Variants in REPS2 observed in about 807,000 individuals in gnomAD.
REPS2 encodes ralBP1-associated Eps domain-containing protein 2.
A neutral mutation model predicts 53.6 loss-of-function variants in REPS2; 23 were observed. The ratio of observed to expected loss-of-function variants is 0.43; its 90% CI spans 0.31 to 0.61. The LOEUF (loss-of-function observed/expected upper bound fraction) is 0.61. REPS2 is among the 20% of genes least tolerant of loss of function. REPS2 has a pLI of 0.11. For synonymous variants in REPS2, 238 were observed against 218.6 expected (o/e 1.09, Z -0.78); for missense variants, 446 against 534.9 (o/e 0.83, Z 1.64).
chrX:17,063,923 TACACACACAC>T (rs3842475), intron 9 of REPS2, among the ~76,000 whole-genome samples: 3 of 100,310 alleles, frequency 3.0e-5, no homozygotes, highest in Admixed American at 1.1e-4. Context: ...GTTTTACTGT[TACACACACAC>T]ACACACACAC....
At position 17,074,169 on chromosome X, in the gene REPS2, G is replaced by T. The variant is rs181955231; in HGVS notation, c.1379+10G>T. On this transcript the variant is annotated intron_variant, in intron 12 of 17. Transcript: ENST00000357277. ...CAAGACCAAGATCCAGGTAGTGTTC[G>T]TTTAATTTCTGCTTTAATGCCCTTT... The T allele has an allele frequency of 1.8e-5, 22 of 1,203,626 alleles. No homozygotes were observed. In the Admixed American group the frequency reaches 4.8e-4, roughly 26 times the overall value.
At chrX:17,084,352 C>T (rs1249532519) in intron 13 of REPS2, among the ~76,000 whole-genome samples, 1 of 112,111 alleles carries the variant, frequency 8.9e-6, no homozygotes, top group Non-Finnish European at 1.9e-5. Flanking sequence ...AATAACTCTG[C>T]TATAGACATT....
intron 1 of REPS2, among the ~76,000 whole-genome samples, chrX:16,978,958 G>T (rs1047755606): frequency 9.0e-6 from 1 of 111,590 alleles, no homozygotes; most frequent in African/African-American, 3.3e-5. Context: ...AAACCAAGTG[G>T]CTCCTAGCTT....
the REPS2 span, among the ~76,000 whole-genome samples, chrX:17,169,659 G>A: frequency 8.9e-6 from 1 of 112,070 alleles, no homozygotes; most frequent in Non-Finnish European, 1.9e-5. Context: ...TCCAGCCTGG[G>A]TGATAGAGTG....
the REPS2 span, among the ~76,000 whole-genome samples, chrX:17,167,525 G>A: frequency 3.7e-5 from 4 of 109,163 alleles, no homozygotes; most frequent in Non-Finnish European, 7.6e-5. Flanking sequence ...CTTACTTGTT[G>A]CTTTGGGTGT....
intron 13 of REPS2, among the ~76,000 whole-genome samples, chrX:17,077,835 C>T (rs1477904299): frequency 8.9e-6 from 1 of 112,561 alleles, no homozygotes; most frequent in Non-Finnish European, 1.9e-5. Flanking sequence ...CTGCATTTTA[C>T]ACTTATGGAG....
chrX:17,186,104 TAGTC>T, the REPS2 span, among the ~76,000 whole-genome samples: 6 of 112,618 alleles, frequency 5.3e-5, no homozygotes, highest in African/African-American at 1.3e-4. Flanking sequence ...GTCGTTAAAT[TAGTC>T]AGCCCATCAA....
At chrX:16,965,121 G>A (rs1336474148) in intron 1 of REPS2, among the ~76,000 whole-genome samples, 1 of 90,656 alleles carries the variant, frequency 1.1e-5, no homozygotes, top group African/African-American at 4.2e-5. Flanking sequence ...CGGACGGGGC[G>A]GCTGGCCGGG....
the REPS2 span, among the ~76,000 whole-genome samples, chrX:17,165,940 A>C: frequency 8.9e-6 from 1 of 111,964 alleles, no homozygotes; most frequent in African/African-American, 3.2e-5. Context: ...GCATTTGCTG[A>C]AATAAAGAAA....
At chrX:17,140,239 T>C (rs930804119) in intron 17 of REPS2, among the ~76,000 whole-genome samples, 6 of 111,743 alleles carry the variant, frequency 5.4e-5, no homozygotes, top group African/African-American at 2.0e-4. Context: ...TAGGGCTGTT[T>C]TAATATTATT....
intron 1 of REPS2, among the ~76,000 whole-genome samples, chrX:16,960,926 A>G (rs913029555): frequency 5.3e-5 from 6 of 112,502 alleles, no homozygotes; most frequent in Middle Eastern, 4.6e-3. Flanking sequence ...ATTCAACATT[A>G]TAAAATATTG....
At chrX:17,109,763 A>G (rs2062934351) in intron 14 of REPS2, among the ~76,000 whole-genome samples, 1 of 112,362 alleles carries the variant, frequency 8.9e-6, no homozygotes, top group Admixed American at 9.4e-5. Flanking sequence ...ATCTAACTTC[A>G]TAATCTGGCT....
At chrX:16,968,382 C>T (rs1245851053) in intron 1 of REPS2, among the ~76,000 whole-genome samples, 4 of 111,187 alleles carry the variant, frequency 3.6e-5, no homozygotes, top group East Asian at 2.9e-4. Context: ...GGGTGGTGGC[C>T]GGGCAGAGGG....
intron 1 of REPS2, among the ~76,000 whole-genome samples, chrX:16,996,174 T>C (rs1283934482): frequency 9.9e-5 from 11 of 111,034 alleles, no homozygotes; most frequent in African/African-American, 3.6e-4. Context: ...AGCCTTAAAG[T>C]GATGAGTATC....
the REPS2 span, among the ~76,000 whole-genome samples, chrX:17,178,979 T>G: frequency 4.5e-5 from 5 of 111,908 alleles, no homozygotes; most frequent in African/African-American, 1.3e-4. Context: ...AGTCTTTTCT[T>G]GACTTGGTTT....
chrX:16,983,638 G>A (rs1235704273), intron 1 of REPS2, among the ~76,000 whole-genome samples: 1 of 112,297 alleles, frequency 8.9e-6, no homozygotes, highest in Non-Finnish European at 1.9e-5. Flanking sequence ...GAGTAGCTGG[G>A]ATTACAGGCA....
chrX:17,049,138 C>T (rs1304020797), intron 6 of REPS2, among the ~76,000 whole-genome samples: 4 of 111,949 alleles, frequency 3.6e-5, no homozygotes, highest in East Asian at 2.8e-4. Context: ...CGTGATCCAC[C>T]CACCTCAGCC....
chrX:16,960,026 G>A (rs912496542), intron 1 of REPS2, among the ~76,000 whole-genome samples: 9 of 111,661 alleles, frequency 8.1e-5, no homozygotes, highest in African/African-American at 2.9e-4. Context: ...TTGGTTTAAC[G>A]TATATAAAAC....
chrX:17,142,474 T>C (rs1040654145), intron 17 of REPS2, among the ~76,000 whole-genome samples: 7 of 112,058 alleles, frequency 6.2e-5, no homozygotes, highest in Non-Finnish European at 1.3e-4. Context: ...ATCTCAATTA[T>C]ATAAAGAACT....
Sources: gnomAD v4.1 joint callset for allele counts (sites outside exome capture counted in the v4.1 genomes callset) on GRCh38, gnomAD v4.1.1 for gene constraint, MANE v1.5 for transcripts, NCBI Gene and HGNC (gene_info 2026-07-23, HGNC 2026-07-21) for gene names.